PIGZ: variants seen among roughly 807,000 people sequenced by gnomAD.
The protein encoded by PIGZ is GPI alpha-1,2-mannosyltransferase 4.
A neutral mutation model predicts 16.4 loss-of-function variants in PIGZ; 16 were observed. The observed-to-expected ratio is 0.97, with a 90% confidence interval of 0.66 to 1.48. PIGZ has a LOEUF of 1.48. PIGZ is among the 40% of genes most tolerant of loss of function. The pLI is 0.00. For missense variants in PIGZ, 770 were observed against 739.2 expected (o/e 1.04, Z -0.48); for synonymous variants, 409 against 338.4 (o/e 1.21, Z -2.29).
In PIGZ at chr3:196,947,104, G is replaced by A. The variant is rs764784568; in HGVS notation, c.*53C>T. The A allele has an allele frequency of 1.5e-5, 22 of 1,476,932 alleles. No individual in the cohort carries two copies. Among genetic ancestry groups the A allele is most frequent in the Non-Finnish European group, 1.8e-5 (20 of 1,100,658 alleles). The allele number at this position is 1,476,932 out of a possible 1,614,324, so 91.5% of individuals were successfully genotyped here. The stretch of plus-strand genomic sequence containing the variant: ...CAGCCCAGCTACCCAAGTAGAAGGT[G>A]GGGCGGCATCTTCTATGGCTGAGTC... On this transcript the variant is annotated 3_prime_UTR_variant, in exon 3 of 3. Transcript: ENST00000412723.
At chr3:196,957,445 T>C (rs1385102007) in intron 1 of PIGZ, among the ~76,000 whole-genome samples, 1 of 151,320 alleles carries the variant, frequency 6.6e-6, no homozygotes, top group Non-Finnish European at 1.5e-5. Context: ...TGCAGTGGCA[T>C]GATCTCGGCT....
intron 1 of PIGZ, among the ~76,000 whole-genome samples, chr3:196,960,471 A>AG (rs1275004569): frequency 2.0e-5 from 3 of 152,126 alleles, no homozygotes; most frequent in African/African-American, 7.2e-5. Context: ...CAAGAGTTTG[A>AG]GACCAGCCTG....
In PIGZ at chr3:196,948,264, C is replaced by T. The variant is rs1717019453; in HGVS notation, c.633G>A (p.Trp211Ter). 4 of 1,614,042 alleles carry T rather than the reference C, an allele frequency of 2.5e-6. No homozygotes were observed. In the East Asian group the frequency reaches 6.7e-5, roughly 27 times the overall value. The part of the protein sequence containing the change: ...TRKEPAPGPR[W>*]RSWLLGGIVA... Reference sequence around the variant, plus strand: ...CAATGCCTCCAAGAAGCCAGCTGCGCCACCGTGGACCCGGCGCCGGCTCCT... The same window carrying T: ...CAATGCCTCCAAGAAGCCAGCTGCGTCACCGTGGACCCGGCGCCGGCTCCT... Residue 211 changes from tryptophan (W) to a stop codon, truncating the protein, a stop_gained, in exon 3 of 3, where the codon TGG (tryptophan) becomes TGA (stop). Coordinates refer to ENST00000412723, the MANE Select transcript of PIGZ (RefSeq NM_025163.4). LOFTEE classifies it low-confidence loss of function (END_TRUNC).
At chr3:196,963,555 A>G (rs1354219177) in intron 1 of PIGZ, among the ~76,000 whole-genome samples, 1 of 152,252 alleles carries the variant, frequency 6.6e-6, no homozygotes, top group Non-Finnish European at 1.5e-5. Flanking sequence ...CTTTTCCAGA[A>G]GTTCACCAGC....
chr3:196,954,482 T>A (rs567452487), intron 1 of PIGZ, among the ~76,000 whole-genome samples: 1 of 152,230 alleles, frequency 6.6e-6, no homozygotes, highest in Non-Finnish European at 1.5e-5. Context: ...CAGAATTGTG[T>A]TGATTTTGCG....
chr3:196,965,508 A>G lies in PIGZ; in HGVS notation c.-1+3179T>C, dbSNP rs917184522. Among the ~76,000 whole-genome samples the G allele has an allele frequency of 5.9e-5, 9 of 152,158 alleles. No homozygotes were observed. The highest frequency in any genetic ancestry group is 2.2e-4 in the African/African-American group (9 of 41,418). On this transcript the variant is annotated intron_variant, in intron 1 of 2. Transcript: ENST00000412723. The surrounding 1 kb of genome is among the most constrained non-coding windows in gnomAD (Gnocchi z 4.2). Reference sequence around the variant, plus strand: ...CTAACCATGTCATACCATTTGCCCAATTTAGTCCAGAATCCCACGGGCTAT... The same window carrying G: ...CTAACCATGTCATACCATTTGCCCAGTTTAGTCCAGAATCCCACGGGCTAT...
At chr3:196,950,129 C>T (rs571116103) in intron 2 of PIGZ, among the ~76,000 whole-genome samples, 3 of 151,888 alleles carry the variant, frequency 2.0e-5, no homozygotes, top group East Asian at 1.9e-4. Context: ...GGACTACAGG[C>T]GCCCGCCACT....
In PIGZ at chr3:196,948,021, T is replaced by C. The variant is rs1188778719; in HGVS notation, c.876A>G (p.Thr292=). The change falls in exon 3 of 3, where the codon ACA becomes ACG. Residue 292 remains threonine, a synonymous_variant. Transcript: ENST00000412723. ...SPATSRNLVL[T]PVNFLHYNLN... ...GGTTGTAGTGCAAGAAGTTGACAGG[T>C]GTCAGGACAAGGTTCCTGGATGTAG... 6.3e-7 allele frequency: 1 copy of C among 1,595,864 alleles called. No homozygotes were observed. Among genetic ancestry groups the C allele is most frequent in the East Asian group, 2.2e-5 (1 of 44,500 alleles).
intron 2 of PIGZ, chr3:196,951,491 A>G (rs1206062577): frequency 5.6e-6 from 2 of 357,326 alleles, no homozygotes; most frequent in East Asian, 1.3e-4. Flanking sequence ...CTTGCCAAAC[A>G]CTGGGGAAGC....
rs749866030 is a variant in PIGZ, at chr3:196,948,356, C to CA, written c.540dup (p.Glu181Ter). 2 of 1,614,184 alleles carry CA rather than the reference C, an allele frequency of 1.2e-6. No homozygotes were observed. Among genetic ancestry groups the CA allele is most frequent in the Admixed American group, 3.3e-5 (2 of 60,024 alleles). On this transcript the variant is annotated frameshift_variant, in exon 3 of 3. Coordinates refer to ENST00000412723, the MANE Select transcript of PIGZ (RefSeq NM_025163.4). LOFTEE classifies it low-confidence loss of function (END_TRUNC). ...AGCAGCCACGTGAAGAGGAGTCCCTCAATGGTGTTGGAGAAGGTCCTTGTG... is the reference window on the plus strand; with the variant it reads ...AGCAGCCACGTGAAGAGGAGTCCCTCAAATGGTGTTGGAGAAGGTCCTTGTG...
Position 196,947,297 on chromosome 3 carries a change from A to G in PIGZ, c.1600T>C (p.Cys534Arg). Reference protein sequence around the residue: ...PGTTRRAVEKCSFPFKNETLL... With the variant: ...PGTTRRAVEKRSFPFKNETLL... ...GTTTCATTCTTGAAGGGGAAGCTGC[A>G]CTTCTCCACGGCACGCCTGGTGGTG... Residue 534 changes from cysteine to arginine, a missense_variant, in exon 3 of 3, where the codon TGC becomes CGC. Transcript: ENST00000412723. 6.2e-7 allele frequency: 1 copy of G among 1,614,152 alleles called. No homozygotes were observed. Among genetic ancestry groups the G allele is most frequent in the Non-Finnish European group, 8.5e-7 (1 of 1,180,018 alleles).
intron 1 of PIGZ, among the ~76,000 whole-genome samples, chr3:196,953,548 A>G (rs1215692338): frequency 6.6e-6 from 1 of 152,236 alleles, no homozygotes; most frequent in Non-Finnish European, 1.5e-5. Flanking sequence ...ATGTAACTCA[A>G]AGAGCAGTGA....
chr3:196,948,357 A>C lies in PIGZ; in HGVS notation c.540T>G (p.Ile180Met). 1 of 1,614,152 alleles carries C rather than the reference A, an allele frequency of 6.2e-7. No homozygotes were observed. The highest frequency in any genetic ancestry group is 8.5e-7 in the Non-Finnish European group (1 of 1,180,016). Reference sequence around the variant, plus strand: ...GCAGCCACGTGAAGAGGAGTCCCTCAATGGTGTTGGAGAAGGTCCTTGTGT... The same window carrying C: ...GCAGCCACGTGAAGAGGAGTCCCTCCATGGTGTTGGAGAAGGTCCTTGTGT... Reference protein sequence around the residue: ...VFYTRTFSNTIEGLLFTWLLV... With the variant: ...VFYTRTFSNTMEGLLFTWLLV... The change falls in exon 3 of 3, where the codon ATT becomes ATG. Residue 180 changes from isoleucine (I) to methionine (M), a missense_variant. Coordinates refer to ENST00000412723, the MANE Select transcript of PIGZ (RefSeq NM_025163.4).
At chr3:196,955,932 T>C (rs1717468608) in intron 1 of PIGZ, among the ~76,000 whole-genome samples, 1 of 152,108 alleles carries the variant, frequency 6.6e-6, no homozygotes, top group Non-Finnish European at 1.5e-5. Context: ...TTGTGTTTTC[T>C]TGTCTTGTTT....
chr3:196,952,493 G>A (rs551672673), intron 1 of PIGZ, among the ~76,000 whole-genome samples: 13 of 152,222 alleles, frequency 8.5e-5, no homozygotes, highest in African/African-American at 1.9e-4. Context: ...GCTGGAGTGC[G>A]GTGGCATGAT....
chr3:196,958,618 C>A (rs972428704), intron 1 of PIGZ, among the ~76,000 whole-genome samples: 1 of 152,108 alleles, frequency 6.6e-6, no homozygotes, highest in African/African-American at 2.4e-5. Context: ...GGGACAAGAG[C>A]GAGACTTCGT....
chr3:196,964,739 C>CT (rs1004609749), intron 1 of PIGZ, among the ~76,000 whole-genome samples: 20 of 151,706 alleles, frequency 1.3e-4, no homozygotes, highest in African/African-American at 2.2e-4. Flanking sequence ...TAACCCTATC[C>CT]TTTTTTTTGT....
rs1451073393 is a variant in PIGZ at position 196,965,867 on chromosome 3, T to C, written c.-1+2820A>G. Among the ~76,000 whole-genome samples, 5 of 152,064 alleles carry C rather than the reference T, an allele frequency of 3.3e-5. 1 individual carries two copies. The highest frequency in any genetic ancestry group is 7.4e-5 in the Non-Finnish European group (5 of 68,018). On this transcript the variant is annotated intron_variant, in intron 1 of 2. Transcript: ENST00000412723. This position sits in a 1 kb window ranked among gnomAD's most constrained non-coding sequence, Gnocchi z 4.2. ...GGAGTAGACTGCACCGCCATCCGCCTCTCCACTTTCCCTCTCTCACTGCAT... is the reference window on the plus strand; with the variant it reads ...GGAGTAGACTGCACCGCCATCCGCCCCTCCACTTTCCCTCTCTCACTGCAT...
chr3:196,949,991 A>T (rs1276401006), intron 2 of PIGZ, among the ~76,000 whole-genome samples: 1 of 146,564 alleles, frequency 6.8e-6, no homozygotes, highest in Non-Finnish European at 1.5e-5. Context: ...CAATACTTAA[A>T]TTTTTTTTTT....
Sources: allele counts gnomAD v4.1 joint callset (sites outside exome capture counted in the v4.1 genomes callset), GRCh38; gene constraint gnomAD v4.1.1; non-coding constraint Gnocchi (gnomAD v3.1); transcripts MANE v1.5; gene names NCBI Gene and HGNC (gene_info 2026-07-23, HGNC 2026-07-21).